The following ANGPT2 variants were observed in gnomAD, a reference collection of about 807,000 sequenced individuals.
ANGPT2 encodes angiopoietin-2.
In ANGPT2, 28 loss-of-function variants were observed where a neutral mutation model predicts 62.9. The observed-to-expected ratio is 0.44, with a 90% CI of 0.33 to 0.61. The LOEUF is 0.61. ANGPT2 is among the 20% of genes least tolerant of loss of function. The pLI is 0.03. For missense variants in ANGPT2, 727 were observed against 594.9 expected (o/e 1.22, Z -2.31); for synonymous variants, 284 against 207.8 (o/e 1.37, Z -3.15).
intron 8 of ANGPT2, among the ~76,000 whole-genome samples, chr8:6,503,960 T>G (rs11776519): frequency 0.24 from 37,150 of 152,124 alleles, 5,872 homozygotes; most frequent in Middle Eastern, 0.41. Flanking sequence ...ATTTTTGCTT[T>G]CTGCACTTTC....
chr8:6,504,182 G>C (rs916727845), intron 8 of ANGPT2, among the ~76,000 whole-genome samples: 3 of 151,958 alleles, frequency 2.0e-5, no homozygotes, highest in Non-Finnish European at 4.4e-5. Flanking sequence ...GCCGGGCGTG[G>C]TGGCGGACGC....
intron 3 of ANGPT2, among the ~76,000 whole-genome samples, chr8:6,523,890 A>AT (rs367933701): frequency 0.46 from 65,600 of 143,856 alleles, 15,350 homozygotes; most frequent in East Asian, 0.74. Context: ...CCTGGCTGGC[A>AT]TTTTTTTTTT....
intron 2 of ANGPT2, among the ~76,000 whole-genome samples, chr8:6,529,608 A>G (rs1202958848): frequency 6.7e-6 from 1 of 150,334 alleles, no homozygotes; most frequent in African/African-American, 2.4e-5. Context: ...AAGTGCACAC[A>G]AGCACGCCTG....
At chr8:6,527,318 T>C (rs1818515214) in intron 3 of ANGPT2, among the ~76,000 whole-genome samples, 1 of 152,236 alleles carries the variant, frequency 6.6e-6, no homozygotes, top group Non-Finnish European at 1.5e-5. Flanking sequence ...AGGATTACTC[T>C]AAGAGGATCT....
chr8:6,532,374 T>G lies in ANGPT2; in HGVS notation c.402A>C (p.Gln134His). 6.2e-7 allele frequency: 1 copy of G among 1,614,168 alleles called. No homozygotes were observed. The highest frequency in any genetic ancestry group is 1.1e-5 in the South Asian group (1 of 91,080). Reference sequence around the variant, plus strand: ...TTAACTTCCGCGTTTGCTCCGCTGTTTGGTTCAACAGGTTTGTCCCTATTT... The same window carrying G: ...TTAACTTCCGCGTTTGCTCCGCTGTGTGGTTCAACAGGTTTGTCCCTATTT... ...MIEIGTNLLN[Q>H]TAEQTRKLTD... The change falls in exon 2 of 9, where the codon CAA becomes CAC. Residue 134 changes from glutamine to histidine, a missense_variant. Physicochemically the swap from Gln to His is conservative, Grantham distance 24 (BLOSUM62 0). Coordinates refer to ENST00000629816, the MANE Select transcript of ANGPT2 (RefSeq NM_001118887.2).
At chr8:6,528,381 C>T (rs560132641) in intron 2 of ANGPT2, among the ~76,000 whole-genome samples, 200 of 152,326 alleles carry the variant, frequency 1.3e-3, no homozygotes, top group African/African-American at 4.5e-3. Flanking sequence ...ATGCTATTCT[C>T]ATATTTATTT....
At chr8:6,533,569 CTT>C (rs56882906) in intron 1 of ANGPT2, among the ~76,000 whole-genome samples, 7 of 113,350 alleles carry the variant, frequency 6.2e-5, no homozygotes, top group Non-Finnish European at 1.0e-4. Context: ...CGTTTAGTTT[CTT>C]TTTTTTTTTT....
chr8:6,536,071 A>T (rs1052097739), intron 1 of ANGPT2, among the ~76,000 whole-genome samples: 9 of 152,138 alleles, frequency 5.9e-5, no homozygotes, highest in Non-Finnish European at 1.5e-5. Flanking sequence ...AAAGAAAAAA[A>T]TTAAAATTAA....
chr8:6,517,718 T>C (rs1816536814), intron 5 of ANGPT2, among the ~76,000 whole-genome samples: 1 of 152,036 alleles, frequency 6.6e-6, no homozygotes, highest in African/African-American at 2.4e-5. Flanking sequence ...AGGGTATCAT[T>C]GTTCTGTTAC....
In ANGPT2 at chr8:6,527,282, A is replaced by G. The variant is rs138063769; in HGVS notation, c.566+273T>C. 2.2e-3 allele frequency among the ~76,000 whole-genome samples: 329 copies of G among 151,970 alleles called. 1 individual carries two copies. The highest frequency in any genetic ancestry group is 7.8e-3 in the African/African-American group (321 of 41,388). Reference sequence around the variant, plus strand: ...AGCTGTATTTTTATAATAGATTAGCATGCAGAATACTGAGGCAGGGTTTGG... The same window carrying G: ...AGCTGTATTTTTATAATAGATTAGCGTGCAGAATACTGAGGCAGGGTTTGG... On this transcript the variant is annotated intron_variant, in intron 3 of 8. Transcript: ENST00000629816.
intron 2 of ANGPT2, among the ~76,000 whole-genome samples, chr8:6,529,841 C>G (rs185696644): frequency 1.3e-4 from 20 of 150,924 alleles, no homozygotes; most frequent in Admixed American, 4.6e-4. Context: ...TCTTATTTTC[C>G]TGTTATCCTG....
chr8:6,538,455 G>A (rs573520322), intron 1 of ANGPT2, among the ~76,000 whole-genome samples: 1 of 152,174 alleles, frequency 6.6e-6, no homozygotes, highest in South Asian at 2.1e-4. Flanking sequence ...TTGCAGGTTT[G>A]CCTGAGGATA....
At chr8:6,531,081 A>G (rs932951892) in intron 2 of ANGPT2, among the ~76,000 whole-genome samples, 1 of 152,200 alleles carries the variant, frequency 6.6e-6, no homozygotes, top group South Asian at 2.1e-4. Context: ...ATGAGGAGTC[A>G]GAAAGCGGGC....
intron 7 of ANGPT2, among the ~76,000 whole-genome samples, chr8:6,513,036 C>G (rs929192697): frequency 4.6e-5 from 7 of 152,206 alleles, no homozygotes; most frequent in African/African-American, 1.7e-4. Flanking sequence ...ATCATTTATG[C>G]TATTCATGTG....
In ANGPT2 at chr8:6,499,747, C is replaced by A; in HGVS notation, c.*3354G>T. On this transcript the variant is annotated 3_prime_UTR_variant, in exon 9 of 9. Transcript: ENST00000629816. ...GTCTGAGAACACATCTATTTCAGAT[C>A]TGCGGAGTGTATCACTTTTTGCTGT... 1.1e-6 allele frequency: 1 copy of A among 904,688 alleles called. No homozygotes were observed. Among genetic ancestry groups the A allele is most frequent in the Non-Finnish European group, 1.8e-6 (1 of 542,690 alleles). 56.0% of individuals were successfully genotyped at this position (904,688 alleles called of 1,614,324 possible).
chr8:6,514,492 G>A (rs955611168), intron 6 of ANGPT2, among the ~76,000 whole-genome samples, 185 bp downstream of exon 6: 11 of 152,194 alleles, frequency 7.2e-5, no homozygotes, highest in Non-Finnish European at 1.6e-4. Context: ...TCTGGCTGCA[G>A]CTTTTGTTTT....
At chr8:6,505,966 TAC>T (rs528350928) in intron 8 of ANGPT2, among the ~76,000 whole-genome samples, 4 of 1,662 alleles carry the variant, frequency 2.4e-3, no homozygotes. Flanking sequence ...TATAAAAACA[TAC>T]ATATTCTTTG....
At chr8:6,511,981 C>G (rs928127481) in intron 7 of ANGPT2, among the ~76,000 whole-genome samples, 1 of 150,916 alleles carries the variant, frequency 6.6e-6, no homozygotes, top group Admixed American at 6.6e-5. Flanking sequence ...AGGTAAAACA[C>G]TGACCAACCA....
rs117753549 is a variant in ANGPT2, at chr8:6,543,387, T to A, written c.289-10900A>T. On this transcript the variant is annotated intron_variant, in intron 1 of 8. Transcript: ENST00000629816. ...CTCGTCTCCTGCCTGGACACCCTTC[T>A]CTCTGTGCTTTCCTGGGTTAGAGTA... Among the ~76,000 whole-genome samples the A allele has an allele frequency of 1.2e-4, 19 of 152,258 alleles. No individual in the cohort carries two copies. The East Asian group carries it at 3.7e-3, about 29-fold the overall frequency.
Sources: gnomAD v4.1 joint callset for allele counts (sites outside exome capture counted in the v4.1 genomes callset) on GRCh38, gnomAD v4.1.1 for gene constraint, MANE v1.5 for transcripts, NCBI Gene and HGNC (gene_info 2026-07-23, HGNC 2026-07-21) for gene names.